TBC1D9: variants seen among roughly 807,000 people sequenced by gnomAD.
The protein encoded by TBC1D9 is TBC1 domain family member 9A.
TBC1D9 carries 63 observed loss-of-function variants against 132.0 expected under a neutral mutation model. The observed-to-expected ratio is 0.48, with a 90% CI of 0.39 to 0.59. The LOEUF (loss-of-function observed/expected upper bound fraction) is 0.59. TBC1D9 is among the 20% of genes least tolerant of loss of function. The probability of loss-of-function intolerance (pLI) is 0.00; values close to 1 mark genes in which losing one functional copy is unlikely to be tolerated. For missense variants in TBC1D9, 1,261 were observed against 1,592.7 expected (o/e 0.79, Z 3.54); for synonymous variants, 610 against 609.9 (o/e 1.00, Z 0.00).
chr4:140,681,378 G>C (rs751285823), intron 3 of TBC1D9, among the ~76,000 whole-genome samples: 1 of 152,148 alleles, frequency 6.6e-6, no homozygotes, highest in Non-Finnish European at 1.5e-5. Flanking sequence ...CATTTCCTGA[G>C]TCTTATTTCC....
chr4:140,628,969 T>C (rs557027875), intron 16 of TBC1D9, among the ~76,000 whole-genome samples: 2 of 152,312 alleles, frequency 1.3e-5, no homozygotes, highest in Admixed American at 6.5e-5. Context: ...TCCATATTTA[T>C]TGCTAGAACC....
rs532606167 is a variant in TBC1D9, at chr4:140,639,433, A to G, written c.2338-5T>C. 1 of 1,601,428 alleles carries G rather than the reference A, an allele frequency of 6.2e-7. No individual in the cohort carries two copies. The highest frequency in any genetic ancestry group is 1.7e-5 in the Admixed American group (1 of 58,900). ...TGCCCGGATAGTTCCGAATTTCTGT[A>G]AAGGAGCAATATTGGTGTCTCTGAA... is the stretch of plus-strand genomic sequence containing the variant. On this transcript the variant is annotated splice_region_variant and splice_polypyrimidine_tract_variant and intron_variant, in intron 13 of 20. Transcript: ENST00000442267.
chr4:140,706,650 A>G lies in TBC1D9; in HGVS notation c.131-5036T>C, dbSNP rs1738155333. ...TTCCCTCTCTCCATTAACCATTCTT[A>G]AATTGTTTTGTATTCTTCCTATCCA... is the stretch of plus-strand genomic sequence containing the variant. On this transcript the variant is annotated intron_variant, in intron 1 of 20. Transcript: ENST00000442267. This position sits in a 1 kb window ranked among gnomAD's most constrained non-coding sequence, Gnocchi z 4.0. Among the ~76,000 whole-genome samples, 1 of 152,014 alleles carries G rather than the reference A, an allele frequency of 6.6e-6. No homozygotes were observed. Among genetic ancestry groups the G allele is most frequent in the Non-Finnish European group, 1.5e-5 (1 of 68,004 alleles).
intron 1 of TBC1D9, among the ~76,000 whole-genome samples, chr4:140,715,062 T>C (rs368137757): frequency 1.1e-4 from 17 of 152,240 alleles, no homozygotes; most frequent in East Asian, 3.9e-4. Context: ...AGATCGAGGC[T>C]GCAGTAAGCA....
In TBC1D9 at chr4:140,756,316, G is replaced by T. The variant is rs1242214190; in HGVS notation, c.-271C>A. ...CGCCGCCCCGCGAGAGCCCGCGGCC[G>T]CAGACGCCCGGCCTGGCACTCTGCA... is the stretch of plus-strand genomic sequence containing the variant. On this transcript the variant is annotated 5_prime_UTR_variant, in exon 1 of 21. Transcript: ENST00000442267. The surrounding 1 kb of genome is among the most constrained non-coding windows in gnomAD (Gnocchi z 5.6). Among the ~76,000 whole-genome samples, 4 of 151,972 alleles carry T rather than the reference G, an allele frequency of 2.6e-5. No homozygotes were observed. The highest frequency in any genetic ancestry group is 5.9e-5 in the Non-Finnish European group (4 of 67,944).
chr4:140,673,660 T>A (rs1047278052), intron 6 of TBC1D9, among the ~76,000 whole-genome samples: 1 of 152,226 alleles, frequency 6.6e-6, no homozygotes, highest in African/African-American at 2.4e-5. Context: ...GAGCGCTTCT[T>A]TAAAGCTGCG....
At chr4:140,658,550 T>A (rs1461175951) in intron 11 of TBC1D9, among the ~76,000 whole-genome samples, 2 of 152,014 alleles carry the variant, frequency 1.3e-5, no homozygotes, top group Middle Eastern at 3.4e-3. Context: ...AAAAAAATAA[T>A]AATAATCCCA....
intron 10 of TBC1D9, among the ~76,000 whole-genome samples, chr4:140,661,189 C>G (rs948582962): frequency 2.0e-5 from 3 of 152,166 alleles, no homozygotes; most frequent in East Asian, 1.9e-4. Context: ...GTTGGGATTA[C>G]GGGCGTGAGC....
At chr4:140,719,201 C>T (rs1375048574) in intron 1 of TBC1D9, among the ~76,000 whole-genome samples, 1 of 151,988 alleles carries the variant, frequency 6.6e-6, no homozygotes, top group Non-Finnish European at 1.5e-5. Context: ...CACTCACAAG[C>T]TGTGTGGCTT....
rs1232795737 is a variant in TBC1D9 at position 140,639,098 on chromosome 4, A to G, written c.2493T>C (p.Tyr831=). 3.8e-6 allele frequency: 6 copies of G among 1,590,670 alleles called. No homozygotes were observed. The highest frequency in any genetic ancestry group is 5.1e-6 in the Non-Finnish European group (6 of 1,167,352). Residue 831 remains tyrosine (Y), a synonymous_variant, in exon 15 of 21, where the codon TAT becomes TAC. Transcript: ENST00000442267. ...CCTTGCAACTCACCTTGAAAAGAGC[A>G]TAAAGTTCTTCCAGCTCATCAATGG... ...SFTIDELEEL[Y]ALFKAEHLTS...
chr4:140,750,597 C>A (rs1383136228), intron 1 of TBC1D9, among the ~76,000 whole-genome samples: 4 of 150,910 alleles, frequency 2.7e-5, no homozygotes, highest in Non-Finnish European at 5.9e-5. Context: ...AAGCTTAAAA[C>A]CTCTACACAG....
intron 4 of TBC1D9, 121 bp from the exon 5 acceptor site, chr4:140,679,324 T>G (rs1324327702): frequency 2.8e-6 from 3 of 1,068,166 alleles, no homozygotes; most frequent in Non-Finnish European, 4.0e-6. Context: ...AATACCATAT[T>G]TGTTTTGCTT....
chr4:140,669,942 A>G, intron 7 of TBC1D9, 138 bp from the exon 8 acceptor site: 1 of 884,678 alleles, frequency 1.1e-6, no homozygotes, highest in Non-Finnish European at 1.7e-6. Context: ...AAACACGAGA[A>G]AAGCAGCAAG....
intron 3 of TBC1D9, among the ~76,000 whole-genome samples, chr4:140,682,494 A>G (rs1578838601): frequency 6.6e-6 from 1 of 152,212 alleles, no homozygotes; most frequent in Non-Finnish European, 1.5e-5. Flanking sequence ...CAGAAGGGAA[A>G]AGGGATGAAA....
At chr4:140,666,039 A>T (rs553172952) in intron 9 of TBC1D9, among the ~76,000 whole-genome samples, 1 of 152,326 alleles carries the variant, frequency 6.6e-6, no homozygotes, top group South Asian at 2.1e-4. Context: ...GGAACCAAAA[A>T]GTAGAAACAA....
chr4:140,706,722 A>T lies in TBC1D9; in HGVS notation c.131-5108T>A, dbSNP rs545375660. Among the ~76,000 whole-genome samples, 1 of 152,344 alleles carries T rather than the reference A, an allele frequency of 6.6e-6. No individual in the cohort carries two copies. The highest frequency in any genetic ancestry group is 2.4e-5 in the African/African-American group (1 of 41,570). ...CCATGTTTTTCATATAAAAAATTTA[A>T]AACTGATGAGTATTTTACAAATTTG... is the stretch of plus-strand genomic sequence containing the variant. On this transcript the variant is annotated intron_variant, in intron 1 of 20. Coordinates refer to ENST00000442267, the MANE Select transcript of TBC1D9 (RefSeq NM_015130.3). The surrounding 1 kb of genome is among the most constrained non-coding windows in gnomAD (Gnocchi z 4.0).
chr4:140,697,068 A>C (rs141829345), intron 2 of TBC1D9, among the ~76,000 whole-genome samples: 1 of 152,162 alleles, frequency 6.6e-6, no homozygotes, highest in Admixed American at 6.5e-5. Context: ...TTAAATGGAA[A>C]TCAGTAAGAA....
chr4:140,733,081 T>C (rs866545480), intron 1 of TBC1D9, among the ~76,000 whole-genome samples: 7 of 152,260 alleles, frequency 4.6e-5, no homozygotes, highest in South Asian at 2.1e-4. Flanking sequence ...CTACAAGCAT[T>C]GTTCATAGAA....
chr4:140,666,821 G>GATAT (rs10679459), intron 9 of TBC1D9, among the ~76,000 whole-genome samples: 1 of 150,880 alleles, frequency 6.6e-6, no homozygotes, highest in Non-Finnish European at 1.5e-5. Flanking sequence ...ATATATAAAT[G>GATAT]ATATATATAT....
Sources: gnomAD v4.1 joint callset for allele counts (sites outside exome capture counted in the v4.1 genomes callset) on GRCh38, gnomAD v4.1.1 for gene constraint, Gnocchi (gnomAD v3.1) non-coding constraint, MANE v1.5 for transcripts, NCBI Gene and HGNC (gene_info 2026-07-23, HGNC 2026-07-21) for gene names.